ETFDH: variants seen among roughly 807,000 people sequenced by gnomAD.
ETFDH encodes electron transfer flavoprotein-ubiquinone oxidoreductase, mitochondrial.
ETFDH carries 61 observed loss-of-function variants against 73.2 expected under a neutral mutation model. The observed-to-expected ratio is 0.83, with a 90% CI of 0.68 to 1.03. The LOEUF (loss-of-function observed/expected upper bound fraction) is 1.03. ETFDH is among the 50% of genes least tolerant of loss of function. The pLI is 0.00. For synonymous variants in ETFDH, 243 were observed against 253.3 expected (o/e 0.96, Z 0.39); for missense variants, 685 against 745.0 (o/e 0.92, Z 0.94).
At chr4:158,688,838 T>C (rs780860895) in intron 5 of ETFDH, among the ~76,000 whole-genome samples, 3 of 152,230 alleles carry the variant, frequency 2.0e-5, no homozygotes, top group Non-Finnish European at 4.4e-5. Context: ...TACAATCTAT[T>C]CATTACATAC....
At chr4:158,672,582 C>G in intron 1 of ETFDH, 92 bp downstream of exon 1, 1 of 1,267,110 alleles carries the variant, frequency 7.9e-7, no homozygotes. Flanking sequence ...CTCGCCCCTT[C>G]TCTCATCAGC....
At chr4:158,707,161 G>C (rs992949964) in intron 12 of ETFDH, among the ~76,000 whole-genome samples, 12 of 152,196 alleles carry the variant, frequency 7.9e-5, no homozygotes, top group African/African-American at 2.6e-4. Context: ...CAGCTCATCT[G>C]TATGTATTTG....
intron 10 of ETFDH, among the ~76,000 whole-genome samples, chr4:158,704,182 C>T (rs1774545382): frequency 6.6e-6 from 1 of 152,204 alleles, no homozygotes; most frequent in Non-Finnish European, 1.5e-5. Flanking sequence ...ATTTATATTG[C>T]ATACATGTAA....
At chr4:158,688,786 A>C (rs961528509) in intron 5 of ETFDH, among the ~76,000 whole-genome samples, 4 of 152,244 alleles carry the variant, frequency 2.6e-5, no homozygotes, top group Non-Finnish European at 5.9e-5. Flanking sequence ...AGCCAGGTAG[A>C]TACAATCCAT....
chr4:158,689,455 G>T, intron 5 of ETFDH, among the ~76,000 whole-genome samples: 1 of 150,664 alleles, frequency 6.6e-6, no homozygotes. Context: ...CTTTTTCTCG[G>T]GTCCTTAATG....
chr4:158,689,636 A>ATATATATATATT (rs765147554), intron 5 of ETFDH, among the ~76,000 whole-genome samples: 1,861 of 63,562 alleles, frequency 0.029, 414 homozygotes, highest in African/African-American at 0.058. Context: ...ATATATATAT[A>ATATATATATATT]TTGTGGGGGG....
Position 158,706,804 on chromosome 4 carries a change from A to C in ETFDH, c.1644A>C (p.Arg548Ser), listed in dbSNP as rs1157251474. ...GGGATGACAGTATACCTGTAAATAG[A>C]AATCTGTCGATATATGATGGGCCCG... ...TLRDDSIPVN[R>S]NLSIYDGPEQ... is the part of the protein sequence containing the mutation. The change falls in exon 12 of 13, where the codon AGA becomes AGC. Residue 548 changes from arginine (R) to serine (S), a missense_variant. By Grantham distance (110) the Arg-to-Ser change is moderately radical. This residue lies in a region of ETFDH where 201 missense variants were observed against 225.2 expected (regional missense o/e 0.89). Coordinates refer to ENST00000511912, the MANE Select transcript of ETFDH (RefSeq NM_004453.4). 6.2e-7 allele frequency: 1 copy of C among 1,613,822 alleles called. No individual in the cohort carries two copies. Among genetic ancestry groups the C allele is most frequent in the African/African-American group, 1.3e-5 (1 of 74,930 alleles).
intron 1 of ETFDH, chr4:158,679,738 T>C (rs1773795488): frequency 6.6e-6 from 1 of 152,046 alleles, no homozygotes; most frequent in Non-Finnish European, 1.5e-5. Flanking sequence ...CATAAAATAC[T>C]TTTTGCTGAC....
intron 5 of ETFDH, among the ~76,000 whole-genome samples, chr4:158,686,564 G>A (rs1355203151): frequency 1.3e-5 from 2 of 152,162 alleles, no homozygotes; most frequent in African/African-American, 4.8e-5. Context: ...TCCGAGGTAT[G>A]GCTGGAGCAG....
intron 2 of ETFDH, 100 bp from the exon 3 acceptor site, chr4:158,682,095 T>G: frequency 6.5e-7 from 1 of 1,536,834 alleles, no homozygotes; most frequent in Admixed American, 1.7e-5. Flanking sequence ...AGAATTTCCA[T>G]AAATAATACT....
intron 1 of ETFDH, chr4:158,679,513 G>T (rs776389798): frequency 1.3e-5 from 2 of 152,122 alleles, no homozygotes; most frequent in Non-Finnish European, 2.9e-5. Context: ...CTGAGATAAT[G>T]AACAAAGTAT....
chr4:158,687,301 G>C (rs989890723), intron 5 of ETFDH, among the ~76,000 whole-genome samples: 1 of 152,182 alleles, frequency 6.6e-6, no homozygotes, highest in Non-Finnish European at 1.5e-5. Flanking sequence ...CTTTGGGAGA[G>C]ACAGACGATT....
chr4:158,705,988 G>T (rs1774599703), intron 10 of ETFDH, among the ~76,000 whole-genome samples: 1 of 152,170 alleles, frequency 6.6e-6, no homozygotes, highest in Admixed American at 6.5e-5. Context: ...GGCTGAGGTG[G>T]GAGGATGGCT....
chr4:158,683,811 C>T (rs1773928354), intron 3 of ETFDH, among the ~76,000 whole-genome samples: 1 of 152,150 alleles, frequency 6.6e-6, no homozygotes, highest in Non-Finnish European at 1.5e-5. Flanking sequence ...TAGCTTCGGC[C>T]TCCCAAATTG....
At chr4:158,695,349 T>C (rs1774281412) in intron 6 of ETFDH, 148 bp from the exon 7 acceptor site, 1 of 566,060 alleles carries the variant, frequency 1.8e-6, no homozygotes, top group Admixed American at 3.3e-5. Flanking sequence ...ATTCTATATA[T>C]TATATATTTA....
At chr4:158,697,244 G>A (rs1339381100) in intron 7 of ETFDH, among the ~76,000 whole-genome samples, 2 of 151,934 alleles carry the variant, frequency 1.3e-5, no homozygotes, top group Non-Finnish European at 2.9e-5. Context: ...ACAGGCATCC[G>A]CCACCATGCC....
chr4:158,684,163 A>G (rs1245215688), intron 3 of ETFDH, among the ~76,000 whole-genome samples: 2 of 152,110 alleles, frequency 1.3e-5, no homozygotes, highest in Non-Finnish European at 2.9e-5. Context: ...GCCAAGGCGG[A>G]TGGATGACTT....
At chr4:158,681,128 C>A (rs1218070589) in intron 2 of ETFDH, among the ~76,000 whole-genome samples, 1 of 152,140 alleles carries the variant, frequency 6.6e-6, no homozygotes, top group East Asian at 1.9e-4. Flanking sequence ...CTACCATTTG[C>A]ATAGGAGATG....
At chr4:158,677,767 A>G (rs1279409596) in intron 1 of ETFDH, among the ~76,000 whole-genome samples, 1 of 152,158 alleles carries the variant, frequency 6.6e-6, no homozygotes, top group East Asian at 1.9e-4. Flanking sequence ...CAAAAGGGAG[A>G]GGGTATAATG....
Sources: allele counts gnomAD v4.1 joint callset (sites outside exome capture counted in the v4.1 genomes callset), GRCh38; gene constraint gnomAD v4.1.1; regional missense constraint gnomAD v4.1.1; transcripts MANE v1.5; gene names NCBI Gene and HGNC (gene_info 2026-07-23, HGNC 2026-07-21).